EYA4: variants seen among roughly 807,000 people sequenced by gnomAD.
EYA4 encodes EYA transcriptional coactivator and phosphatase 4.
In EYA4, 31 loss-of-function variants were observed where a neutral mutation model predicts 87.9. The ratio of observed to expected loss-of-function variants is 0.35; its 90% CI spans 0.27 to 0.48. EYA4 has a LOEUF of 0.48. Among genes scored for constraint, EYA4 ranks in the 20% least tolerant of loss-of-function variants. The pLI is 0.99. For synonymous variants in EYA4, 263 were observed against 270.6 expected (o/e 0.97, Z 0.28); for missense variants, 678 against 761.4 (o/e 0.89, Z 1.29).
chr6:133,452,419 A>G (rs1376605468), intron 5 of EYA4, among the ~76,000 whole-genome samples: 1 of 152,150 alleles, frequency 6.6e-6, no homozygotes, highest in Non-Finnish European at 1.5e-5. Flanking sequence ...ACATATGAAT[A>G]TGAACTTTGA....
At chr6:133,502,156 T>C (rs1798183654) in intron 13 of EYA4, 1 of 152,150 alleles carries the variant, frequency 6.6e-6, no homozygotes, top group Non-Finnish European at 1.5e-5. Flanking sequence ...AAATTGGCAG[T>C]AGTTCAATTT....
chr6:133,518,631 A>G (rs1404029990), intron 17 of EYA4, among the ~76,000 whole-genome samples: 1 of 152,190 alleles, frequency 6.6e-6, no homozygotes, highest in Non-Finnish European at 1.5e-5. Context: ...ATATTTTGGT[A>G]GCATTACTTG....
At chr6:133,380,917 C>T (rs1282413317) in intron 2 of EYA4, among the ~76,000 whole-genome samples, 1 of 143,394 alleles carries the variant, frequency 7.0e-6, no homozygotes, top group Non-Finnish European at 1.5e-5. Context: ...TTACTTCCTT[C>T]CTTCCTTTTT....
chr6:133,473,677 G>C (rs952470364), intron 11 of EYA4, among the ~76,000 whole-genome samples: 1 of 151,746 alleles, frequency 6.6e-6, no homozygotes, highest in African/African-American at 2.4e-5. Flanking sequence ...CCTCCTACCT[G>C]TGGGCACACA....
intron 2 of EYA4, among the ~76,000 whole-genome samples, chr6:133,371,306 A>T (rs763597466): frequency 1.1e-4 from 17 of 152,136 alleles, no homozygotes; most frequent in Non-Finnish European, 2.4e-4. Context: ...CCCAGCCAAT[A>T]AGTTTTCCCG....
At chr6:133,332,956 C>T (rs1345214558) in intron 2 of EYA4, among the ~76,000 whole-genome samples, 1 of 152,078 alleles carries the variant, frequency 6.6e-6, no homozygotes, top group Non-Finnish European at 1.5e-5. Flanking sequence ...CCTTTAGGCC[C>T]TAGCTTAGAT....
chr6:133,391,222 GTTTTT>G (rs531819011), intron 3 of EYA4, among the ~76,000 whole-genome samples: 1 of 89,830 alleles, frequency 1.1e-5, no homozygotes, highest in African/African-American at 3.3e-5. Flanking sequence ...TTTTGTTTTT[GTTTTT>G]TTTTTTTTTT....
chr6:133,531,092 C>A lies in EYA4; in HGVS notation c.*2287C>A. ...TATCAAACAAGCAAGGCTTTTTATG[C>A]TGCTAAGTCTGTGGGTGCAGAAAGA... On this transcript the variant is annotated 3_prime_UTR_variant, in exon 20 of 20. Coordinates refer to ENST00000355286, the MANE Select transcript of EYA4 (RefSeq NM_004100.5). 1 of 1,432,370 alleles carries A rather than the reference C, an allele frequency of 7.0e-7. No individual in the cohort carries two copies. The highest frequency in any genetic ancestry group is 9.1e-7 in the Non-Finnish European group (1 of 1,095,910). 88.7% of individuals were successfully genotyped at this position (1,432,370 alleles called of 1,614,324 possible). A position where few individuals can be genotyped will look rare whatever the true frequency, so the allele number is the denominator to read the frequency against.
In EYA4 at chr6:133,244,545, C is replaced by CT. The variant is rs1165916259; in HGVS notation, c.-66+2802dup. Among the ~76,000 whole-genome samples the CT allele has an allele frequency of 5.3e-5, 8 of 150,956 alleles. No homozygotes were observed. The East Asian group carries it at 1.5e-3, about 29-fold the overall frequency. On this transcript the variant is annotated intron_variant, in intron 1 of 19. Coordinates refer to ENST00000355286, the MANE Select transcript of EYA4 (RefSeq NM_004100.5). ...GGAGAAAAAAATTGCATAGAAGTTT[C>CT]TTTTTTGACGGGTGACTGGCAGATG... is the stretch of plus-strand genomic sequence containing the variant.
intron 12 of EYA4, among the ~76,000 whole-genome samples, chr6:133,482,414 C>A (rs1185307150): frequency 1.3e-5 from 2 of 152,206 alleles, no homozygotes; most frequent in African/African-American, 2.4e-5. Flanking sequence ...TTCTGAGGGA[C>A]CTGCCTGTCA....
Position 133,427,308 on chromosome 6 carries a change from A to T in EYA4, c.84-19322A>T, listed in dbSNP as rs138363082. Among the ~76,000 whole-genome samples the T allele has an allele frequency of 4.5e-3, 679 of 152,320 alleles. 5 individuals carry two copies. The highest frequency in any genetic ancestry group is 0.015 in the African/African-American group (629 of 41,570). On this transcript the variant is annotated intron_variant, in intron 3 of 19. Coordinates refer to ENST00000355286, the MANE Select transcript of EYA4 (RefSeq NM_004100.5). ...TTCTGAATTTTAGAACCACTTCTGA[A>T]CGTCATGATTTCTGTACAAGATAGT... is the stretch of plus-strand genomic sequence containing the variant.
intron 2 of EYA4, among the ~76,000 whole-genome samples, chr6:133,357,421 T>C (rs1254222383): frequency 6.6e-6 from 1 of 152,162 alleles, no homozygotes; most frequent in African/African-American, 2.4e-5. Context: ...ATCTGAATGT[T>C]GTTGAAGTAG....
intron 14 of EYA4, 146 bp downstream of exon 14, chr6:133,506,341 A>G (rs1392823854): frequency 1.2e-5 from 7 of 582,754 alleles, no homozygotes; most frequent in South Asian, 2.0e-5. Context: ...GAAAAATTGT[A>G]TATACAAATA....
At chr6:133,304,799 T>C (rs1361625862) in intron 2 of EYA4, among the ~76,000 whole-genome samples, 1 of 92,718 alleles carries the variant, frequency 1.1e-5, no homozygotes, top group African/African-American at 4.5e-5. Flanking sequence ...TATGAATGCA[T>C]ACCATGTTCC....
chr6:133,427,414 A>C (rs73561755), intron 3 of EYA4, among the ~76,000 whole-genome samples: 1 of 152,124 alleles, frequency 6.6e-6, no homozygotes, highest in African/African-American at 2.4e-5. Context: ...CTATTACAGA[A>C]GTGGATAAAT....
At chr6:133,336,347 G>A (rs1782366059) in intron 2 of EYA4, among the ~76,000 whole-genome samples, 1 of 152,126 alleles carries the variant, frequency 6.6e-6, no homozygotes, top group Non-Finnish European at 1.5e-5. Context: ...GTACAGCCTG[G>A]TATCACAGAT....
intron 13 of EYA4, among the ~76,000 whole-genome samples, chr6:133,491,248 CA>C (rs1562482422): frequency 6.6e-6 from 1 of 151,080 alleles, no homozygotes; most frequent in South Asian, 2.1e-4. Flanking sequence ...TTGTCTGCAT[CA>C]AAAAAAGAAA....
chr6:133,298,804 CT>C (rs748463354), intron 2 of EYA4, among the ~76,000 whole-genome samples: 5 of 152,198 alleles, frequency 3.3e-5, no homozygotes, highest in Non-Finnish European at 5.9e-5. Flanking sequence ...CACTATTTGA[CT>C]GTCTTTAACC....
chr6:133,517,778 G>A (rs915860573), intron 17 of EYA4, among the ~76,000 whole-genome samples: 4 of 152,210 alleles, frequency 2.6e-5, no homozygotes, highest in Non-Finnish European at 5.9e-5. Context: ...AAGTGTGGCA[G>A]TCACGGGTTT....
Sources: allele counts gnomAD v4.1 joint callset (sites outside exome capture counted in the v4.1 genomes callset), GRCh38; gene constraint gnomAD v4.1.1; transcripts MANE v1.5; gene names NCBI Gene and HGNC (gene_info 2026-07-23, HGNC 2026-07-21).